ZNF282: variants seen among roughly 807,000 people sequenced by gnomAD.
The protein encoded by ZNF282 is HTLV-I U5 repressive element-binding protein 1.
A neutral mutation model predicts 61.9 loss-of-function variants in ZNF282; 30 were observed. The ratio of observed to expected loss-of-function variants is 0.48; its 90% CI spans 0.36 to 0.66. The LOEUF (loss-of-function observed/expected upper bound fraction) is 0.66, where lower values mean the gene tolerates loss of function less well. Among genes scored for constraint, ZNF282 ranks in the 30% least tolerant of loss-of-function variants. ZNF282 has a pLI of 0.00. For missense variants in ZNF282, 788 were observed against 941.4 expected (o/e 0.84, Z 2.13); for synonymous variants, 396 against 405.0 (o/e 0.98, Z 0.27).
At position 149,200,600 on chromosome 7, in the gene ZNF282, T is replaced by A. The variant is rs536116416; in HGVS notation, c.585+1848T>A. ...TCACAGTCTTTATTATTTATTTATT[T>A]ATTTATTTTTTTTGAGACAGAGTCC... On this transcript the variant is annotated intron_variant, in intron 2 of 7. Transcript: ENST00000610704. 2.0e-3 allele frequency among the ~76,000 whole-genome samples: 303 copies of A among 152,168 alleles called. 2 individuals carry two copies. The highest frequency in any genetic ancestry group is 6.7e-3 in the African/African-American group (279 of 41,502).
intron 4 of ZNF282, 138 bp downstream of exon 4, chr7:149,207,608 C>G (rs1796017214): frequency 1.5e-6 from 2 of 1,326,294 alleles, no homozygotes; most frequent in South Asian, 3.0e-5. Flanking sequence ...GGGGCCAGTT[C>G]TGCCAGAGTC....
intron 5 of ZNF282, among the ~76,000 whole-genome samples, chr7:149,211,758 C>T (rs1015733617): frequency 4.6e-5 from 7 of 152,088 alleles, no homozygotes; most frequent in Admixed American, 1.3e-4. Context: ...GAGGAAAGCC[C>T]GTTCACTTGT....
rs1563182510 is a variant in ZNF282 at position 149,224,595 on chromosome 7, GC to G, written c.1967del (p.Pro656ArgfsTer34). 6.4e-7 allele frequency: 1 copy of G among 1,573,282 alleles called. No homozygotes were observed. The highest frequency in any genetic ancestry group is 2.3e-5 in the East Asian group (1 of 43,060). Reference sequence around the variant, plus strand: ...GACCACCTGCGCGTGCACAGCGGCGGCCCGGGCCCCGGCGCCCCACGGCAGC... The same window carrying G: ...GACCACCTGCGCGTGCACAGCGGCGGCCGGGCCCCGGCGCCCCACGGCAGC... ...LKDHLRVHSG[G>X]PGPGAPRQLP... On this transcript the variant is annotated frameshift_variant, in exon 8 of 8. Transcript: ENST00000610704. LOFTEE classifies it high-confidence loss of function.
At chr7:149,196,359 A>C (rs561397918) in intron 1 of ZNF282, among the ~76,000 whole-genome samples, 1 of 152,098 alleles carries the variant, frequency 6.6e-6, no homozygotes, top group South Asian at 2.1e-4. Flanking sequence ...GGCAGCTTTT[A>C]AGACTCCTGA....
chr7:149,207,619 G>A, intron 4 of ZNF282, 149 bp downstream of exon 4: 3 of 1,215,500 alleles, frequency 2.5e-6, no homozygotes, highest in Middle Eastern at 2.8e-4. Context: ...TGCCAGAGTC[G>A]AAATTTGGTG....
chr7:149,210,757 G>A (rs10952805), intron 5 of ZNF282, 53 bp downstream of exon 5: 928,873 of 1,488,812 alleles, frequency 0.62, 299,115 homozygotes, highest in East Asian at 0.88. Context: ...AGGGGAGAGG[G>A]TTAGCATGGT....
chr7:149,217,023 T>C (rs1477622936), intron 7 of ZNF282, among the ~76,000 whole-genome samples: 2 of 152,162 alleles, frequency 1.3e-5, no homozygotes, highest in Non-Finnish European at 2.9e-5. Context: ...GGCTAAAAGG[T>C]GCTTCCGGAG....
In ZNF282 at chr7:149,224,176, C is replaced by T; in HGVS notation, c.1545C>T (p.Ser515=). Residue 515 remains serine, a synonymous_variant, in exon 8 of 8, where the codon AGC becomes AGT. Coordinates refer to ENST00000610704, the MANE Select transcript of ZNF282 (RefSeq NM_003575.4). ...RRSLLLHGAR[S]KPYSCPECGK... ...GCCTCCTCCTGCACGGCGCCCGCAGCAAGCCCTACTCGTGCCCCGAGTGCG... is the reference window on the plus strand; with the variant it reads ...GCCTCCTCCTGCACGGCGCCCGCAGTAAGCCCTACTCGTGCCCCGAGTGCG... 6.3e-7 allele frequency: 1 copy of T among 1,598,388 alleles called. No homozygotes were observed. Among genetic ancestry groups the T allele is most frequent in the Non-Finnish European group, 8.5e-7 (1 of 1,177,324 alleles).
chr7:149,198,833 C>T lies in ZNF282; in HGVS notation c.585+81C>T. 6.6e-7 allele frequency: 1 copy of T among 1,505,484 alleles called. No homozygotes were observed. Among genetic ancestry groups the T allele is most frequent in the South Asian group, 1.3e-5 (1 of 75,208 alleles). The allele number at this position is 1,505,484 out of a possible 1,614,324, so 93.3% of individuals were successfully genotyped here. A position where few individuals can be genotyped will look rare whatever the true frequency, so the allele number is the denominator to read the frequency against. Reference sequence around the variant, plus strand: ...AATTCTTGATTTCATTTTGTCAGCCCTTCTCATAAACTTCTCTGGCTCCCC... The same window carrying T: ...AATTCTTGATTTCATTTTGTCAGCCTTTCTCATAAACTTCTCTGGCTCCCC... On this transcript the variant is annotated intron_variant, in intron 2 of 7. Transcript: ENST00000610704. The surrounding 1 kb of genome is among the most constrained non-coding windows in gnomAD (Gnocchi z 4.3).
chr7:149,224,844 AC>A lies in ZNF282; in HGVS notation c.*200del. On this transcript the variant is annotated 3_prime_UTR_variant, in exon 8 of 8. Coordinates refer to ENST00000610704, the MANE Select transcript of ZNF282 (RefSeq NM_003575.4). ...TGGACGCCCAGCTCATCTAGGGTGG[AC>A]CCAGCTGCTGGGGAAGAGCCAGGGG... The A allele has an allele frequency of 9.5e-7, 1 of 1,047,578 alleles. No individual in the cohort carries two copies. The highest frequency in any genetic ancestry group is 1.3e-6 in the Non-Finnish European group (1 of 754,308). The allele number at this position is 1,047,578 out of a possible 1,614,324, so 64.9% of individuals were successfully genotyped here. A position where few individuals can be genotyped will look rare whatever the true frequency, so the allele number is the denominator to read the frequency against.
At chr7:149,210,383 C>T (rs918934287) in intron 4 of ZNF282, among the ~76,000 whole-genome samples, 8 of 152,310 alleles carry the variant, frequency 5.3e-5, no homozygotes, top group African/African-American at 1.9e-4. Flanking sequence ...TCCTCAGGGT[C>T]CCCCATGGTT....
Position 149,224,124 on chromosome 7 carries a change from G to T in ZNF282, c.1493G>T (p.Ser498Ile). 6.9e-7 allele frequency: 1 copy of T among 1,452,290 alleles called. No homozygotes were observed. Among genetic ancestry groups the T allele is most frequent in the East Asian group, 2.5e-5 (1 of 39,890 alleles). 90.0% of individuals were successfully genotyped at this position (1,452,290 alleles called of 1,614,324 possible). ...AGTGAGGGCG[S>I]CCPGGLRRSL... is the part of the protein sequence containing the mutation. ...ACGGGGGCAGGCGGCGGCTGTGGCA[G>T]CTGCTGCCCTGGCGGGCTGCGGCGG... Residue 498 changes from serine to isoleucine, a missense_variant, in exon 8 of 8, where the codon AGC becomes ATC. Ser to Ile is a moderately radical substitution (Grantham distance 142). Around this residue, in one of 3 missense-constraint regions of ZNF282, gnomAD observed 559 missense variants for 642.0 expected, o/e 0.87. Transcript: ENST00000610704.
chr7:149,216,832 C>T (rs1796166245), intron 7 of ZNF282, among the ~76,000 whole-genome samples: 1 of 152,178 alleles, frequency 6.6e-6, no homozygotes, highest in Non-Finnish European at 1.5e-5. Context: ...CAGACCTCAA[C>T]CCAATTGGAT....
rs1037822061 is a variant in ZNF282, at chr7:149,205,932, G to T, written c.586-764G>T. ...GAAGGCTGTGTGTCCAGAGGAGGAAGTTCAGTTATCAAAGTCATGGAAGTG... is the reference window on the plus strand; with the variant it reads ...GAAGGCTGTGTGTCCAGAGGAGGAATTTCAGTTATCAAAGTCATGGAAGTG... On this transcript the variant is annotated intron_variant, in intron 2 of 7. Coordinates refer to ENST00000610704, the MANE Select transcript of ZNF282 (RefSeq NM_003575.4). 5.3e-5 allele frequency among the ~76,000 whole-genome samples: 8 copies of T among 152,204 alleles called. No individual in the cohort carries two copies. In the South Asian group the frequency reaches 1.7e-3, roughly 32 times the overall value.
chr7:149,202,380 C>T lies in ZNF282; in HGVS notation c.585+3628C>T, dbSNP rs552524879. On this transcript the variant is annotated intron_variant, in intron 2 of 7. Transcript: ENST00000610704. ...AAGCTGGAGTGCAGTGGTGCGAACT[C>T]GGCTCACTGTAAGCTCTGCCTCCCG... is the stretch of plus-strand genomic sequence containing the variant. Among the ~76,000 whole-genome samples the T allele has an allele frequency of 5.9e-5, 9 of 151,840 alleles. No homozygotes were observed. In the East Asian group the frequency reaches 9.7e-4, roughly 16 times the overall value.
chr7:149,206,096 G>A (rs544190650), intron 2 of ZNF282, among the ~76,000 whole-genome samples: 1 of 152,262 alleles, frequency 6.6e-6, no homozygotes, highest in Non-Finnish European at 1.5e-5. Context: ...GACACCACGC[G>A]ACGACTCGGG....
At chr7:149,210,828 A>G in intron 5 of ZNF282, 124 bp downstream of exon 5, 1 of 1,347,032 alleles carries the variant, frequency 7.4e-7, no homozygotes, top group Non-Finnish European at 9.9e-7. Context: ...CTCGAAATGG[A>G]AGGGCTGTGC....
At chr7:149,209,421 G>T (rs1796047418) in intron 4 of ZNF282, among the ~76,000 whole-genome samples, 1 of 151,972 alleles carries the variant, frequency 6.6e-6, no homozygotes, top group African/African-American at 2.4e-5. Context: ...CTATGAATTT[G>T]CCTGTCCTGG....
chr7:149,218,013 C>T (rs1172966499), intron 7 of ZNF282, among the ~76,000 whole-genome samples: 1 of 150,440 alleles, frequency 6.6e-6, no homozygotes, highest in Non-Finnish European at 1.5e-5. Flanking sequence ...GAGGCTGAGG[C>T]ATGAGAATCC....
Sources: gnomAD v4.1 joint callset for allele counts (sites outside exome capture counted in the v4.1 genomes callset) on GRCh38, gnomAD v4.1.1 for gene constraint, gnomAD v4.1.1 regional missense constraint, Gnocchi (gnomAD v3.1) non-coding constraint, MANE v1.5 for transcripts, NCBI Gene and HGNC (gene_info 2026-07-23, HGNC 2026-07-21) for gene names.